The following HSPB8 variants were observed in gnomAD, a reference collection of about 807,000 sequenced individuals.
HSPB8 encodes the protein heat shock protein beta-8.
HSPB8 carries 9 observed loss-of-function variants against 16.5 expected under a neutral mutation model. The ratio of observed to expected loss-of-function variants is 0.55; its 90% CI spans 0.33 to 0.95. The LOEUF is 0.95. HSPB8 is among the 40% of genes least tolerant of loss of function. HSPB8 has a pLI of 0.03. For missense variants in HSPB8, 238 were observed against 251.2 expected, an observed-to-expected ratio of 0.95 and a Z score of 0.35; for synonymous variants, 99 against 94.8, an observed-to-expected ratio of 1.04 and a Z score of -0.26.
chr12:119,179,651 G>T lies in HSPB8; in HGVS notation c.339G>T (p.Lys113Asn). Residue 113 changes from lysine (K) to asparagine (N), a missense_variant, in exon 1 of 3, where the codon AAG (lysine) becomes AAT (asparagine). Physicochemically the swap from Lys to Asn is moderately conservative, Grantham distance 94. Coordinates refer to ENST00000281938, the MANE Select transcript of HSPB8 (RefSeq NM_014365.3). ...HSFKPEELMV[K>N]TKDGYVEVSG... The stretch of plus-strand genomic sequence containing the variant: ...TCAAGCCAGAGGAGTTGATGGTGAA[G>T]ACCAAAGATGGATACGTGGAGGTGT... The T allele has an allele frequency of 6.3e-7, 1 of 1,588,222 alleles. No individual in the cohort carries two copies. Among genetic ancestry groups the T allele is most frequent in the South Asian group, 1.2e-5 (1 of 86,268 alleles).
Position 119,194,744 on chromosome 12 carries a change from T to C in HSPB8, c.*886T>C. The C allele has an allele frequency of 2.2e-6, 1 of 453,762 alleles. No individual in the cohort carries two copies. Among genetic ancestry groups the C allele is most frequent in the Non-Finnish European group, 3.8e-6 (1 of 260,540 alleles). 28.1% of individuals were successfully genotyped at this position (453,762 alleles called of 1,614,324 possible). A position where few individuals can be genotyped will look rare whatever the true frequency, so the allele number is the denominator to read the frequency against. On this transcript the variant is annotated 3_prime_UTR_variant, in exon 3 of 3. Transcript: ENST00000281938. ...AATAATAATAAAGGAGCTGACGTTC[T>C]TAGCCTTGTGTGGTTCTTTTAATGA...
At chr12:119,186,897 G>C in intron 1 of HSPB8, 128 bp from the exon 2 acceptor site, 2 of 838,184 alleles carry the variant, frequency 2.4e-6, no homozygotes, top group East Asian at 2.4e-5. Flanking sequence ...TAGATAACTA[G>C]AGTCTCTAGG....
intron 2 of HSPB8, among the ~76,000 whole-genome samples, chr12:119,187,356 A>G (rs1954683530): frequency 6.6e-6 from 1 of 151,918 alleles, no homozygotes; most frequent in Admixed American, 6.6e-5. Flanking sequence ...TTTATTTATT[A>G]TTTATTTATT....
intron 2 of HSPB8, among the ~76,000 whole-genome samples, chr12:119,189,844 C>T (rs1954701667): frequency 6.6e-6 from 1 of 152,172 alleles, no homozygotes; most frequent in Non-Finnish European, 1.5e-5. Context: ...GATCTTGTCC[C>T]CAGGACCCTC....
intron 1 of HSPB8, among the ~76,000 whole-genome samples, chr12:119,180,829 C>A (rs961578409): frequency 6.6e-6 from 1 of 152,128 alleles, no homozygotes; most frequent in Non-Finnish European, 1.5e-5. Flanking sequence ...AGGAACAAGC[C>A]CCAGCAGCAT....
intron 1 of HSPB8, among the ~76,000 whole-genome samples, chr12:119,186,348 G>A (rs1391233724): frequency 1.3e-5 from 2 of 152,180 alleles, no homozygotes; most frequent in Admixed American, 6.5e-5. Flanking sequence ...AGATAATGTG[G>A]CTTAAAGAGC....
At chr12:119,181,402 T>C (rs58358605) in intron 1 of HSPB8, among the ~76,000 whole-genome samples, 2,150 of 152,208 alleles carry the variant, frequency 0.014, 55 homozygotes, top group African/African-American at 0.049. Context: ...GAGAGACAAA[T>C]GGTCGCATTC....
At position 119,191,555 on chromosome 12, in the gene HSPB8, T is replaced by C. The variant is rs1232584073; in HGVS notation, c.432-2144T>C. Reference sequence around the variant, plus strand: ...GAATCTCCTGGGTAGATACGGCTCATGTGGCTACAGGTTGTTGTACCCACA... The same window carrying C: ...GAATCTCCTGGGTAGATACGGCTCACGTGGCTACAGGTTGTTGTACCCACA... On this transcript the variant is annotated intron_variant, in intron 2 of 2. Transcript: ENST00000281938. Among the ~76,000 whole-genome samples the C allele has an allele frequency of 5.3e-5, 8 of 151,008 alleles. No homozygotes were observed. The East Asian group carries it at 1.4e-3, about 26-fold the overall frequency.
rs1954652590 is a variant in HSPB8 at position 119,183,490 on chromosome 12, C to CACCT, written c.368-3532_368-3529dup. 6.6e-5 allele frequency among the ~76,000 whole-genome samples: 10 copies of CACCT among 152,294 alleles called. No homozygotes were observed. The South Asian group carries it at 2.1e-3, about 32-fold the overall frequency. On this transcript the variant is annotated intron_variant, in intron 1 of 2. Coordinates refer to ENST00000281938, the MANE Select transcript of HSPB8 (RefSeq NM_014365.3). ...TTCTTTAGCTGGGCCAATAGTGTTC[C>CACCT]ACCTACATTTCTCTGAGGCATGTTG...
intron 1 of HSPB8, among the ~76,000 whole-genome samples, chr12:119,186,222 G>A (rs1191605702): frequency 7.2e-5 from 11 of 152,314 alleles, no homozygotes; most frequent in East Asian, 3.9e-4. Flanking sequence ...CTTACCACAG[G>A]TTAAGAGGCG....
At chr12:119,185,966 C>A (rs1190142567) in intron 1 of HSPB8, among the ~76,000 whole-genome samples, 1 of 152,150 alleles carries the variant, frequency 6.6e-6, no homozygotes, top group African/African-American at 2.4e-5. Context: ...AATGAGGGTT[C>A]TTGCCTCCAG....
Position 119,183,894 on chromosome 12 carries a change from C to T in HSPB8, c.368-3131C>T, listed in dbSNP as rs559399618. 3.3e-5 allele frequency among the ~76,000 whole-genome samples: 5 copies of T among 152,298 alleles called. No homozygotes were observed. The South Asian group carries it at 1.0e-3, about 32-fold the overall frequency. On this transcript the variant is annotated intron_variant, in intron 1 of 2. Transcript: ENST00000281938. ...CCTAGTTTCTGAGGAGCAGTCTTTTCCCCAAACATCAAAATAAACCACAAG... is the reference window on the plus strand; with the variant it reads ...CCTAGTTTCTGAGGAGCAGTCTTTTTCCCAAACATCAAAATAAACCACAAG...
Position 119,194,729 on chromosome 12 carries a change from A to ATAAT in HSPB8, c.*871_*872insTAAT. On this transcript the variant is annotated 3_prime_UTR_variant, in exon 3 of 3. Transcript: ENST00000281938. The stretch of plus-strand genomic sequence containing the variant: ...ATTAATAATAATAATAATAATAATA[A>ATAAT]AGGAGCTGACGTTCTTAGCCTTGTG... 2.6e-6 allele frequency: 1 copy of ATAAT among 391,806 alleles called. No individual in the cohort carries two copies. The highest frequency in any genetic ancestry group is 4.5e-6 in the Non-Finnish European group (1 of 224,478). The allele number at this position is 391,806 out of a possible 1,614,324, so 24.3% of individuals were successfully genotyped here.
Position 119,194,638 on chromosome 12 carries a change from G to T in HSPB8, c.*780G>T. The stretch of plus-strand genomic sequence containing the variant: ...GATAGGCTAGTGGTATTGTGTATAT[G>T]GGCGGGACGTGTGTGTCATTATTAT... On this transcript the variant is annotated 3_prime_UTR_variant, in exon 3 of 3. Coordinates refer to ENST00000281938, the MANE Select transcript of HSPB8 (RefSeq NM_014365.3). 1 of 202,554 alleles carries T rather than the reference G, an allele frequency of 4.9e-6. No homozygotes were observed. The allele number at this position is 202,554 out of a possible 1,614,324, so 12.5% of individuals were successfully genotyped here.
intron 1 of HSPB8, 22 bp downstream of exon 1, chr12:119,179,701 G>A (rs748153939): frequency 1.1e-5 from 17 of 1,555,456 alleles, no homozygotes; most frequent in Non-Finnish European, 1.3e-5. Context: ...GCAGGAGGGA[G>A]AGAGAATGGG....
In HSPB8 at chr12:119,179,322, G is replaced by A. The variant is rs762887808; in HGVS notation, c.10G>A (p.Gly4Ser). The A allele has an allele frequency of 6.8e-6, 11 of 1,613,592 alleles. No homozygotes were observed. The highest frequency in any genetic ancestry group is 4.0e-5 in the African/African-American group (3 of 74,932). Residue 4 changes from glycine (G) to serine (S), a missense_variant, in exon 1 of 3, where the codon GGT becomes AGT. By Grantham distance (56) the Gly-to-Ser change is moderately conservative. Coordinates refer to ENST00000281938, the MANE Select transcript of HSPB8 (RefSeq NM_014365.3). The stretch of plus-strand genomic sequence containing the variant: ...GAGCTGAGCAGCCACCATGGCTGAC[G>A]GTCAGATGCCCTTCTCCTGCCACTA... MAD[G>S]QMPFSCHYPS...
rs1954728319 is a variant in HSPB8 at position 119,193,874 on chromosome 12, C to T, written c.*16C>T. The T allele has an allele frequency of 1.2e-6, 2 of 1,613,524 alleles. No homozygotes were observed. Among genetic ancestry groups the T allele is most frequent in the South Asian group, 1.1e-5 (1 of 91,082 alleles). On this transcript the variant is annotated 3_prime_UTR_variant, in exon 3 of 3. Transcript: ENST00000281938. The stretch of plus-strand genomic sequence containing the variant: ...CTGTACCTGAGATGCCAGTACTGGC[C>T]CATCCTTGTTTTGTCCCCAACCCTA...
intron 1 of HSPB8, 29 bp downstream of exon 1, chr12:119,179,708 TGG>T (rs2136080112): frequency 6.5e-7 from 1 of 1,548,772 alleles, no homozygotes; most frequent in East Asian, 2.3e-5. Context: ...GGAGAGAGAA[TGG>T]GGAGGCCGGG....
In HSPB8 at chr12:119,179,300, C is replaced by A. The variant is rs373146924; in HGVS notation, c.-13C>A. On this transcript the variant is annotated 5_prime_UTR_variant, in exon 1 of 3. In the 5' UTR this introduces an upstream ATG that the reference lacks. Coordinates refer to ENST00000281938, the MANE Select transcript of HSPB8 (RefSeq NM_014365.3). ...CTCTGAGCCTCTGTTTCTCTCTGAG[C>A]TGAGCAGCCACCATGGCTGACGGTC... 2.5e-6 allele frequency: 4 copies of A among 1,613,154 alleles called. No homozygotes were observed. Among genetic ancestry groups the A allele is most frequent in the African/African-American group, 1.3e-5 (1 of 75,054 alleles).
Sources: allele counts gnomAD v4.1 joint callset (sites outside exome capture counted in the v4.1 genomes callset), GRCh38; gene constraint gnomAD v4.1.1; transcripts MANE v1.5; gene names NCBI Gene and HGNC (gene_info 2026-07-23, HGNC 2026-07-21).